Variants in SAE1 observed in about 807,000 individuals in gnomAD.
SAE1 encodes the protein SUMO1 activating enzyme subunit 1.
Under a neutral mutation model 40.6 loss-of-function variants are expected in SAE1, and 11 were observed. The ratio of observed to expected loss-of-function variants is 0.27; its 90% CI spans 0.17 to 0.45. The LOEUF (loss-of-function observed/expected upper bound fraction) is 0.45, where lower values mean the gene tolerates loss of function less well. Among genes scored for constraint, SAE1 ranks in the 20% least tolerant of loss-of-function variants. The pLI, the probability that SAE1 is intolerant of heterozygous loss-of-function variation, is 1.00. For synonymous variants in SAE1, 155 were observed against 154.3 expected (o/e 1.00, Z -0.03); for missense variants, 373 against 427.3 (o/e 0.87, Z 1.12).
chr19:47,187,118 G>A (rs2058549249), intron 6 of SAE1, among the ~76,000 whole-genome samples: 1 of 152,188 alleles, frequency 6.6e-6, no homozygotes, highest in Non-Finnish European at 1.5e-5. Flanking sequence ...AACAGAATGA[G>A]GTAAACAAAG....
intron 1 of SAE1, among the ~76,000 whole-genome samples, chr19:47,141,739 T>G (rs754387606): frequency 1.7e-4 from 26 of 152,128 alleles, no homozygotes; most frequent in Non-Finnish European, 3.1e-4. Flanking sequence ...TTAATTAAAT[T>G]AATAGCAAAC....
chr19:47,151,682 T>A (rs777317139), intron 3 of SAE1, among the ~76,000 whole-genome samples: 1 of 152,208 alleles, frequency 6.6e-6, no homozygotes, highest in Non-Finnish European at 1.5e-5. Context: ...CCTGTTTTCT[T>A]TTTCCTAGTC....
At chr19:47,189,190 C>CT (rs1360946732) in intron 6 of SAE1, among the ~76,000 whole-genome samples, 1 of 152,182 alleles carries the variant, frequency 6.6e-6, no homozygotes, top group Non-Finnish European at 1.5e-5. Context: ...TGCAATTTTT[C>CT]TGGAAATTTA....
At chr19:47,168,665 C>T (rs781141187) in intron 5 of SAE1, among the ~76,000 whole-genome samples, 12 of 151,910 alleles carry the variant, frequency 7.9e-5, no homozygotes, top group African/African-American at 2.4e-4. Flanking sequence ...TGCAATGGCG[C>T]GATCTCAGCT....
chr19:47,203,830 T>C, intron 8 of SAE1, 90 bp downstream of exon 8: 1 of 1,145,298 alleles, frequency 8.7e-7, no homozygotes, highest in East Asian at 2.4e-5. Context: ...GACAGCTGCC[T>C]GCTTTCTCTC....
chr19:47,202,508 G>C (rs961610447), intron 7 of SAE1, among the ~76,000 whole-genome samples: 5 of 151,346 alleles, frequency 3.3e-5, no homozygotes, highest in Non-Finnish European at 7.4e-5. Context: ...GGATGATCTC[G>C]ATCTCTTGAC....
At chr19:47,199,582 C>A (rs1364370812) in intron 7 of SAE1, among the ~76,000 whole-genome samples, 1 of 152,004 alleles carries the variant, frequency 6.6e-6, no homozygotes, top group Non-Finnish European at 1.5e-5. Flanking sequence ...CTCTGCTGGC[C>A]GGTGATGCAG....
intron 6 of SAE1, among the ~76,000 whole-genome samples, chr19:47,170,696 C>CA (rs2058425910): frequency 6.6e-6 from 1 of 151,690 alleles, no homozygotes; most frequent in Non-Finnish European, 1.5e-5. Flanking sequence ...TTTGTAGAAG[C>CA]GAAGTTTCTC....
rs572001679 is a variant in SAE1 at position 47,180,964 on chromosome 19, G to A, written c.733+11041G>A. On this transcript the variant is annotated intron_variant, in intron 6 of 8. Coordinates refer to ENST00000270225, the MANE Select transcript of SAE1 (RefSeq NM_005500.3). The stretch of plus-strand genomic sequence containing the variant: ...TCTTGGAATATGTAACCCTGGGTTG[G>A]ATCTGAGAATAGAGGAAGGTTTTTT... Among the ~76,000 whole-genome samples the A allele has an allele frequency of 2.7e-4, 41 of 152,296 alleles. 1 individual carries two copies. The South Asian group carries it at 7.5e-3, about 28-fold the overall frequency.
intron 1 of SAE1, among the ~76,000 whole-genome samples, chr19:47,134,020 G>A (rs553664626): frequency 6.6e-6 from 1 of 152,000 alleles, no homozygotes; most frequent in East Asian, 1.9e-4. Context: ...CCGCCACCAT[G>A]CCCAGCTAAT....
At chr19:47,137,199 G>A (rs58753357) in intron 1 of SAE1, among the ~76,000 whole-genome samples, 1 of 151,990 alleles carries the variant, frequency 6.6e-6, no homozygotes, top group African/African-American at 2.4e-5. Context: ...GACTAGCCTG[G>A]CCAACATGGT....
intron 7 of SAE1, among the ~76,000 whole-genome samples, chr19:47,198,114 CTT>C (rs200468247): frequency 6.8e-6 from 1 of 146,126 alleles, no homozygotes. Context: ...CTCTCTCTCT[CTT>C]TTTTTTTTTT....
rs116476287 is a variant in SAE1, at chr19:47,189,677, G to C, written c.734-7556G>C. Among the ~76,000 whole-genome samples, 604 of 152,246 alleles carry C rather than the reference G, an allele frequency of 4.0e-3. 6 individuals are homozygous for C. The highest frequency in any genetic ancestry group is 0.014 in the African/African-American group (570 of 41,552). The stretch of plus-strand genomic sequence containing the variant: ...TCTGGCACAGAAAAGCTTTGGGCCT[G>C]TCTCAGGTAAATGAAGTTTTGATAT... On this transcript the variant is annotated intron_variant, in intron 6 of 8. Transcript: ENST00000270225.
At chr19:47,190,660 A>G (rs1020740177) in intron 6 of SAE1, among the ~76,000 whole-genome samples, 2 of 152,180 alleles carry the variant, frequency 1.3e-5, no homozygotes, top group African/African-American at 4.8e-5. Flanking sequence ...CGTCCAGCCA[A>G]ACTGCACCAG....
At chr19:47,164,696 G>A (rs987956208) in intron 5 of SAE1, among the ~76,000 whole-genome samples, 4 of 136,414 alleles carry the variant, frequency 2.9e-5, no homozygotes, top group South Asian at 4.7e-4. Context: ...TCACCCAGGC[G>A]GGAGTGCAGT....
chr19:47,186,946 CG>C (rs2058548268), intron 6 of SAE1, among the ~76,000 whole-genome samples: 1 of 152,112 alleles, frequency 6.6e-6, no homozygotes, highest in Non-Finnish European at 1.5e-5. Context: ...GTGAGCTCCG[CG>C]TGTGAGGGCA....
chr19:47,196,333 C>CTTTT (rs61498882), intron 6 of SAE1, among the ~76,000 whole-genome samples: 6 of 27,888 alleles, frequency 2.2e-4, no homozygotes, highest in East Asian at 3.2e-3. Context: ...CCGCGCCTGG[C>CTTTT]TTTTTTTTTT....
chr19:47,184,005 C>T (rs958699206), intron 6 of SAE1, among the ~76,000 whole-genome samples: 1 of 152,106 alleles, frequency 6.6e-6, no homozygotes, highest in Non-Finnish European at 1.5e-5. Context: ...ACATTATTTC[C>T]CTGTGACTTT....
intron 7 of SAE1, among the ~76,000 whole-genome samples, chr19:47,198,537 C>T (rs1291511467): frequency 2.0e-5 from 3 of 152,158 alleles, no homozygotes; most frequent in African/African-American, 7.2e-5. Flanking sequence ...ATGATGGCTG[C>T]AGTTTACTGA....
Sources: allele counts gnomAD v4.1 joint callset (sites outside exome capture counted in the v4.1 genomes callset), GRCh38; gene constraint gnomAD v4.1.1; transcripts MANE v1.5; gene names NCBI Gene and HGNC (gene_info 2026-07-23, HGNC 2026-07-21).